The following PCTP variants were observed in gnomAD, a reference collection of about 807,000 sequenced individuals.
The protein encoded by PCTP is phosphatidylcholine transfer protein.
A neutral mutation model predicts 31.0 loss-of-function variants in PCTP; 27 were observed. The observed-to-expected ratio is 0.87, with a 90% CI of 0.64 to 1.20. The LOEUF (loss-of-function observed/expected upper bound fraction) is 1.20. Among genes scored for constraint, PCTP ranks in the 50% most tolerant of loss-of-function variants. The probability of loss-of-function intolerance (pLI) is 0.00; values close to 1 mark genes in which losing one functional copy is unlikely to be tolerated. For missense variants in PCTP, 287 were observed against 268.2 expected (o/e 1.07, Z -0.49); for synonymous variants, 108 against 101.2 (o/e 1.07, Z -0.40).
Position 55,776,338 on chromosome 17 carries a change from A to C in PCTP, c.*238A>C. 1 of 1,352,650 alleles carries C rather than the reference A, an allele frequency of 7.4e-7. No individual in the cohort carries two copies. Among genetic ancestry groups the C allele is most frequent in the Non-Finnish European group, 9.5e-7 (1 of 1,056,624 alleles). The allele number at this position is 1,352,650 out of a possible 1,614,324, so 83.8% of individuals were successfully genotyped here. A position where few individuals can be genotyped will look rare whatever the true frequency, so the allele number is the denominator to read the frequency against. On this transcript the variant is annotated 3_prime_UTR_variant, in exon 6 of 6. Transcript: ENST00000268896. ...GTCTGCTTCCTTTCTCGCTCCCCCC[A>C]TCCTGGGCTGGGCTGCCTTCTTCTA...
intron 5 of PCTP, among the ~76,000 whole-genome samples, chr17:55,840,974 T>C (rs959035444): frequency 6.6e-6 from 1 of 152,170 alleles, no homozygotes; most frequent in African/African-American, 2.4e-5. Flanking sequence ...ATACTCAACC[T>C]GTATGTATAG....
At chr17:55,759,368 CTATCACATTT>C (rs1910217765) in intron 1 of PCTP, among the ~76,000 whole-genome samples, 1 of 152,156 alleles carries the variant, frequency 6.6e-6, no homozygotes, top group Non-Finnish European at 1.5e-5. Flanking sequence ...AGGATTAGAC[CTATCACATTT>C]TCTTAGAGAG....
chr17:55,801,639 A>G (rs1912385169), intron 3 of PCTP, among the ~76,000 whole-genome samples: 1 of 152,232 alleles, frequency 6.6e-6, no homozygotes, highest in Non-Finnish European at 1.5e-5. Flanking sequence ...ATATTAAGTC[A>G]GAAATAAATA....
At chr17:55,775,450 C>T (rs1911276266) in intron 5 of PCTP, 1 of 1,230,752 alleles carries the variant, frequency 8.1e-7, no homozygotes, top group Admixed American at 4.2e-5. Context: ...AGCACATCAA[C>T]TTTGGAGTCA....
At chr17:55,801,666 T>A (rs1912387080) in intron 3 of PCTP, among the ~76,000 whole-genome samples, 1 of 152,098 alleles carries the variant, frequency 6.6e-6, no homozygotes, top group Non-Finnish European at 1.5e-5. Context: ...TTGAAACCAA[T>A]GAGAACAAAG....
chr17:55,763,027 G>T (rs1473485288), intron 1 of PCTP, among the ~76,000 whole-genome samples: 2 of 152,172 alleles, frequency 1.3e-5, no homozygotes, highest in African/African-American at 4.8e-5. Context: ...TTATATTTTA[G>T]TCTAGATAAG....
downstream of PCTP, among the ~76,000 whole-genome samples, chr17:55,846,338 G>A (rs1236572872): frequency 6.6e-6 from 1 of 152,168 alleles, no homozygotes; most frequent in African/African-American, 2.4e-5. Flanking sequence ...ACATAAAGTG[G>A]TGAAGAAAAC....
intron 3 of PCTP, among the ~76,000 whole-genome samples, chr17:55,816,376 C>T (rs1264703139): frequency 6.6e-6 from 1 of 152,194 alleles, no homozygotes; most frequent in Non-Finnish European, 1.5e-5. Flanking sequence ...AATCAAGGCT[C>T]TCTTTAAGCA....
intron 2 of PCTP, among the ~76,000 whole-genome samples, chr17:55,785,252 G>A (rs1911705733): frequency 6.6e-6 from 1 of 152,270 alleles, no homozygotes; most frequent in Non-Finnish European, 1.5e-5. Context: ...AGGTCAATGT[G>A]ACAAGGCCTC....
chr17:55,826,467 G>GAA (rs11407655), downstream of PCTP, among the ~76,000 whole-genome samples: 2,931 of 135,608 alleles, frequency 0.022, 100 homozygotes, highest in African/African-American at 0.071. Context: ...AAAAAGATAA[G>GAA]AAAAAAAAAA....
chr17:55,810,105 A>G (rs1469743628), intron 3 of PCTP, among the ~76,000 whole-genome samples: 1 of 151,808 alleles, frequency 6.6e-6, no homozygotes, highest in Non-Finnish European at 1.5e-5. Flanking sequence ...CTGCAACATT[A>G]AACTCCCAGG....
intron 3 of PCTP, among the ~76,000 whole-genome samples, chr17:55,790,147 T>C (rs1035060007): frequency 9.2e-5 from 14 of 152,274 alleles, no homozygotes; most frequent in African/African-American, 3.1e-4. Flanking sequence ...ATTGATGGCA[T>C]GTATCTCAAA....
chr17:55,802,709 A>G (rs935509016), intron 3 of PCTP, among the ~76,000 whole-genome samples: 3 of 152,222 alleles, frequency 2.0e-5, no homozygotes, highest in African/African-American at 4.8e-5. Context: ...TTTTGATGAA[A>G]TGTTTCTCAA....
intron 5 of PCTP, among the ~76,000 whole-genome samples, chr17:55,839,381 G>A (rs929847022): frequency 6.6e-6 from 1 of 152,134 alleles, no homozygotes; most frequent in East Asian, 1.9e-4. Flanking sequence ...TGGTAGGGGA[G>A]GCTTCTGCCC....
At chr17:55,829,992 T>C (rs1905542242) in intron 5 of PCTP, among the ~76,000 whole-genome samples, 1 of 152,260 alleles carries the variant, frequency 6.6e-6, no homozygotes, top group South Asian at 2.1e-4. Flanking sequence ...ATCGTCTGTG[T>C]TTTTATGACA....
chr17:55,767,017 G>A (rs1322799944), intron 1 of PCTP, among the ~76,000 whole-genome samples: 1 of 152,172 alleles, frequency 6.6e-6, no homozygotes, highest in African/African-American at 2.4e-5. Flanking sequence ...GGCCAGTGAT[G>A]GTGAGCATTT....
chr17:55,832,969 T>C (rs1203717681), intron 5 of PCTP, among the ~76,000 whole-genome samples: 1 of 152,198 alleles, frequency 6.6e-6, no homozygotes. Flanking sequence ...TGGGGCAGTT[T>C]CCTCTTGGTT....
rs549131722 is a variant in PCTP, at chr17:55,803,411, A to G, written c.317+15757A>G. Among the ~76,000 whole-genome samples the G allele has an allele frequency of 3.3e-5, 5 of 152,342 alleles. No individual in the cohort carries two copies. The South Asian group carries it at 6.2e-4, about 19-fold the overall frequency. On this transcript the variant is annotated intron_variant, in intron 3 of 3. Transcript: ENST00000572536. The stretch of plus-strand genomic sequence containing the variant: ...GAGCCCATATAGCCAAGACAATCGT[A>G]AGCCAAAAGAACGAAGCTGAAGGCA...
At chr17:55,830,619 T>A (rs981087260) in intron 5 of PCTP, among the ~76,000 whole-genome samples, 2 of 152,232 alleles carry the variant, frequency 1.3e-5, no homozygotes, top group Non-Finnish European at 2.9e-5. Context: ...CAACTGCTTT[T>A]ATTTTTTAAT....
Sources: allele counts gnomAD v4.1 joint callset (sites outside exome capture counted in the v4.1 genomes callset), GRCh38; gene constraint gnomAD v4.1.1; transcripts MANE v1.5; gene names NCBI Gene and HGNC (gene_info 2026-07-23, HGNC 2026-07-21).